TMPRSS9: variants seen among roughly 807,000 people sequenced by gnomAD.
TMPRSS9 encodes the protein transmembrane protease serine 9.
A neutral mutation model predicts 111.4 loss-of-function variants in TMPRSS9; 113 were observed. That is an observed-to-expected ratio of 1.01 (90% CI 0.87 to 1.19). TMPRSS9 has a LOEUF of 1.19. Ranked by LOEUF, TMPRSS9 falls within the 50% of genes most tolerant of loss-of-function variation. TMPRSS9 has a pLI of 0.00. For missense variants in TMPRSS9, 1,803 were observed against 1,513.1 expected (o/e 1.19, Z -3.18); for synonymous variants, 805 against 659.1 (o/e 1.22, Z -3.39).
At position 2,401,972 on chromosome 19, in the gene TMPRSS9, C is replaced by G. The variant is rs1268454537; in HGVS notation, c.515-3C>G. ...AGCTTCTATCTTCTCTGTTTTGTTG[C>G]AGGGAGACATAAGGGACCCTTGGCA... On this transcript the variant is annotated splice_polypyrimidine_tract_variant and splice_region_variant and intron_variant, in intron 4 of 17. Transcript: ENST00000648592. The G allele has an allele frequency of 6.2e-7, 1 of 1,606,836 alleles. No individual in the cohort carries two copies. Among genetic ancestry groups the G allele is most frequent in the East Asian group, 2.3e-5 (1 of 44,382 alleles).
At chr19:2,396,803 CAGGCCAGGGGGCGGGCAGGACG>C in intron 2 of TMPRSS9, 137 bp downstream of exon 3, 1 of 1,298,826 alleles carries the variant, frequency 7.7e-7, no homozygotes, top group South Asian at 1.5e-5. Flanking sequence ...ACCGGGAGGC[CAGGCCAGGGGGCGGGCAGGACG>C]AGGCCAGGTG....
At chr19:2,410,528 A>T (rs561781352) in intron 9 of TMPRSS9, 134 bp downstream of exon 10, 1 of 1,261,396 alleles carries the variant, frequency 7.9e-7, no homozygotes, top group Non-Finnish European at 1.1e-6. Context: ...AAACACAGAC[A>T]CGAGCGTGTT....
At chr19:2,364,495 A>G (rs1401588876) in intron 1 of TMPRSS9, among the ~76,000 whole-genome samples, 1 of 151,772 alleles carries the variant, frequency 6.6e-6, no homozygotes, top group African/African-American at 2.4e-5. Flanking sequence ...GAATCCTCCC[A>G]CCTTGGCCTC....
At chr19:2,370,493 C>T (rs8101666) in intron 1 of TMPRSS9, among the ~76,000 whole-genome samples, 2 of 150,872 alleles carry the variant, frequency 1.3e-5, no homozygotes, top group African/African-American at 2.5e-5. Flanking sequence ...ATGCCTGGCT[C>T]ATTATTTTTA....
chr19:2,424,162 G>A lies in TMPRSS9; in HGVS notation c.2622G>A (p.Trp874Ter). Residue 874 changes from tryptophan to a stop codon, truncating the protein, a stop_gained, in exon 15 of 18, where the codon TGG (tryptophan) becomes TGA (stop). Transcript: ENST00000648592. LOFTEE classifies it high-confidence loss of function. Reference sequence around the variant, plus strand: ...CAGCGGGCCGTGGGGAGTGGCCGTGGCAGGTGAGCCTGTGGCTGCGGCGCC... The same window carrying A: ...CAGCGGGCCGTGGGGAGTGGCCGTGACAGGTGAGCCTGTGGCTGCGGCGCC... The A allele has an allele frequency of 6.8e-7, 1 of 1,464,448 alleles. No individual in the cohort carries two copies. The allele number at this position is 1,464,448 out of a possible 1,614,324, so 90.7% of individuals were successfully genotyped here. A position where few individuals can be genotyped will look rare whatever the true frequency, so the allele number is the denominator to read the frequency against.
intron 2 of TMPRSS9, among the ~76,000 whole-genome samples, chr19:2,397,200 C>T (rs772908264): frequency 7.9e-5 from 12 of 152,084 alleles, no homozygotes; most frequent in Non-Finnish European, 1.6e-4. Flanking sequence ...GGATTACAGG[C>T]GTGAGTCACC....
At chr19:2,382,163 A>T (rs963559570) in intron 1 of TMPRSS9, among the ~76,000 whole-genome samples, 1 of 152,034 alleles carries the variant, frequency 6.6e-6, no homozygotes. Context: ...TAACAACCAA[A>T]ACGTTTCTTT....
chr19:2,382,431 CA>C (rs1970395899), intron 1 of TMPRSS9, among the ~76,000 whole-genome samples: 1 of 152,184 alleles, frequency 6.6e-6, no homozygotes, highest in Non-Finnish European at 1.5e-5. Context: ...CGCGCCCGGT[CA>C]AAACATTTTT....
intron 10 of TMPRSS9, chr19:2,414,336 T>C (rs993252921): frequency 2.0e-5 from 4 of 199,238 alleles, no homozygotes; most frequent in Non-Finnish European, 4.1e-5. Flanking sequence ...GCCTCCCAGG[T>C]TCAAGTGATT....
chr19:2,394,653 C>T (rs1970670789), intron 1 of TMPRSS9, among the ~76,000 whole-genome samples: 1 of 152,076 alleles, frequency 6.6e-6, no homozygotes, highest in Non-Finnish European at 1.5e-5. Context: ...TCAGAATATT[C>T]TATCTACTGA....
At chr19:2,413,780 G>A (rs532336590) in exon 10 of TMPRSS9, 86 of 1,613,894 alleles carry the variant, frequency 5.3e-5, no homozygotes, top group Non-Finnish European at 7.1e-5. Flanking sequence ...GGGGAATCGG[G>A]TGTGCGGAAG....
At position 2,422,174 on chromosome 19, in the gene TMPRSS9, C is replaced by T. The variant is rs202111624; in HGVS notation, c.2475C>T (p.Ala825=). The T allele has an allele frequency of 9.9e-5, 155 of 1,571,124 alleles. 1 individual carries two copies. In the Admixed American group the frequency reaches 2.2e-3, roughly 23 times the overall value. Residue 825 remains alanine, a synonymous_variant, in exon 14 of 18, where the codon GCC becomes GCT. Transcript: ENST00000648592. ...AACCTGCCAACTCAACCTTATCTGC[C>T]GTGAGCACCACTGCTAGGGGACAGA...
At chr19:2,417,588 C>T (rs1373195086) in intron 12 of TMPRSS9, among the ~76,000 whole-genome samples, 2 of 152,112 alleles carry the variant, frequency 1.3e-5, no homozygotes, top group South Asian at 2.1e-4. Flanking sequence ...TTCAAGGCCG[C>T]AGTGAGCCAT....
At chr19:2,391,389 TAA>T (rs67766322) in intron 1 of TMPRSS9, among the ~76,000 whole-genome samples, 4 of 135,086 alleles carry the variant, frequency 3.0e-5, no homozygotes, top group Admixed American at 7.5e-5. Context: ...TTCTTTTTTT[TAA>T]AAAATATTTG....
chr19:2,377,234 C>CT (rs143386026), intron 1 of TMPRSS9, among the ~76,000 whole-genome samples: 5 of 145,312 alleles, frequency 3.4e-5, no homozygotes, highest in Admixed American at 7.1e-5. Flanking sequence ...TACTTTCTTT[C>CT]TTTTTTTACT....
chr19:2,420,312 G>C (rs551644259), intron 13 of TMPRSS9, among the ~76,000 whole-genome samples: 1 of 152,094 alleles, frequency 6.6e-6, no homozygotes, highest in Non-Finnish European at 1.5e-5. Context: ...CATGGTGGCG[G>C]GTGCTGGTAA....
At chr19:2,364,192 G>GTGAATGAA (rs146229451) in intron 1 of TMPRSS9, among the ~76,000 whole-genome samples, 48 of 151,398 alleles carry the variant, frequency 3.2e-4, no homozygotes, top group African/African-American at 5.8e-4. Context: ...AAATAAATAA[G>GTGAATGAA]TGAATGAATG....
chr19:2,419,522 CTTT>C (rs796669347), intron 13 of TMPRSS9, among the ~76,000 whole-genome samples: 1 of 131,434 alleles, frequency 7.6e-6, no homozygotes. Flanking sequence ...TTTCTTTTTC[CTTT>C]TTTTTTTTTG....
rs199805013 is a variant in TMPRSS9, at chr19:2,389,970, A to G, written c.142+43A>G. ...TGGCTGGGTTCGCAATACAAGGGACATGTGCAAAGTCACCGGGAAGTGACT... is the reference window on the plus strand; with the variant it reads ...TGGCTGGGTTCGCAATACAAGGGACGTGTGCAAAGTCACCGGGAAGTGACT... On this transcript the variant is annotated intron_variant, in intron 1 of 17. Coordinates refer to ENST00000648592, the Ensembl canonical transcript of TMPRSS9. The G allele has an allele frequency of 9.7e-5, 153 of 1,582,968 alleles. 1 individual carries two copies. In the East Asian group the frequency reaches 2.1e-3, roughly 21 times the overall value.
Sources: gnomAD v4.1 joint callset for allele counts (sites outside exome capture counted in the v4.1 genomes callset) on GRCh38, gnomAD v4.1.1 for gene constraint, MANE v1.5 for transcripts, NCBI Gene and HGNC (gene_info 2026-07-23, HGNC 2026-07-21) for gene names.